The following RAP1A variants were observed in gnomAD, a reference collection of about 807,000 sequenced individuals.
RAP1A encodes RAP1A, member of RAS oncogene family.
A neutral mutation model predicts 26.4 loss-of-function variants in RAP1A; 6 were observed. That is an observed-to-expected ratio of 0.23 (90% confidence interval 0.12 to 0.45). RAP1A has a LOEUF of 0.45. RAP1A is among the 20% of genes least tolerant of loss of function. The pLI, the probability that RAP1A is intolerant of heterozygous loss-of-function variation, is 0.99. For synonymous variants in RAP1A, 73 were observed against 79.4 expected, an observed-to-expected ratio of 0.92 and a Z score of 0.43; for missense variants, 121 against 217.2, an observed-to-expected ratio of 0.56 and a Z score of 2.78.
At chr1:111,653,762 A>T (rs1660357679) in intron 1 of RAP1A, among the ~76,000 whole-genome samples, 2 of 151,460 alleles carry the variant, frequency 1.3e-5, no homozygotes, top group African/African-American at 4.8e-5. Flanking sequence ...ATTTAACCAG[A>T]GATTAAGTAG....
At chr1:111,567,251 C>A (rs556765942) in intron 1 of RAP1A, among the ~76,000 whole-genome samples, 1 of 152,144 alleles carries the variant, frequency 6.6e-6, no homozygotes, top group Non-Finnish European at 1.5e-5. Context: ...GAGAACTCAA[C>A]TCACCTGAGG....
chr1:111,626,915 T>C (rs1350998166), intron 1 of RAP1A, among the ~76,000 whole-genome samples: 1 of 152,028 alleles, frequency 6.6e-6, no homozygotes, highest in Non-Finnish European at 1.5e-5. Context: ...TGGATGACAT[T>C]CTTTACACAA....
intron 1 of RAP1A, among the ~76,000 whole-genome samples, chr1:111,652,024 AGT>A (rs2101137892): frequency 6.6e-6 from 1 of 152,178 alleles, no homozygotes; most frequent in East Asian, 1.9e-4. Context: ...CCCAGGCTAA[AGT>A]GTAGTGGTGC....
chr1:111,578,554 T>A (rs1302107533), intron 1 of RAP1A, among the ~76,000 whole-genome samples: 1 of 152,110 alleles, frequency 6.6e-6, no homozygotes, highest in Non-Finnish European at 1.5e-5. Context: ...ACTCATAATG[T>A]ACTGGAGTGA....
intron 1 of RAP1A, among the ~76,000 whole-genome samples, chr1:111,606,964 C>G (rs1220542366): frequency 1.3e-5 from 2 of 152,016 alleles, no homozygotes; most frequent in African/African-American, 4.8e-5. Context: ...AACAGTGAGG[C>G]CTTACAATGG....
At chr1:111,712,173 A>G (rs1416717184) in intron 7 of RAP1A, among the ~76,000 whole-genome samples, 1 of 152,140 alleles carries the variant, frequency 6.6e-6, no homozygotes, top group Non-Finnish European at 1.5e-5. Context: ...GAGTATAACT[A>G]AGTATAACTG....
chr1:111,688,785 T>C (rs1661573822), intron 1 of RAP1A, among the ~76,000 whole-genome samples: 1 of 151,294 alleles, frequency 6.6e-6, no homozygotes, highest in Non-Finnish European at 1.5e-5. Flanking sequence ...GTTACTTGGA[T>C]GTGTAGATGG....
chr1:111,589,714 T>A (rs1004650713), intron 1 of RAP1A, among the ~76,000 whole-genome samples: 1 of 152,158 alleles, frequency 6.6e-6, no homozygotes, highest in African/African-American at 2.4e-5. Flanking sequence ...TTATTTATTT[T>A]TATTAATTTA....
chr1:111,682,840 G>C (rs931904773), intron 1 of RAP1A, among the ~76,000 whole-genome samples: 1 of 152,116 alleles, frequency 6.6e-6, no homozygotes, highest in Non-Finnish European at 1.5e-5. Context: ...GACATCTACA[G>C]AACCGTCCAC....
At chr1:111,679,984 C>T (rs1183924537) in intron 1 of RAP1A, among the ~76,000 whole-genome samples, 1 of 152,172 alleles carries the variant, frequency 6.6e-6, no homozygotes. Flanking sequence ...TTAAATGTTC[C>T]TGCCTGCCAG....
intron 1 of RAP1A, among the ~76,000 whole-genome samples, chr1:111,592,761 G>C (rs1248263140): frequency 1.3e-5 from 2 of 152,108 alleles, no homozygotes; most frequent in East Asian, 3.8e-4. Flanking sequence ...TCCTAGCTTT[G>C]ACAACAGCAA....
chr1:111,544,843 C>T (rs1386441846), intron 1 of RAP1A, among the ~76,000 whole-genome samples: 4 of 59,884 alleles, frequency 6.7e-5, no homozygotes, highest in Non-Finnish European at 1.3e-4. Flanking sequence ...CAATTTGGTA[C>T]ATACCCAATT....
chr1:111,664,319 A>C (rs1660724173), intron 1 of RAP1A, among the ~76,000 whole-genome samples: 1 of 146,802 alleles, frequency 6.8e-6, no homozygotes, highest in African/African-American at 2.5e-5. Context: ...GGTTGTAGTA[A>C]GCTGAGATTG....
At chr1:111,548,386 T>G (rs1456693527) in intron 1 of RAP1A, among the ~76,000 whole-genome samples, 1 of 152,224 alleles carries the variant, frequency 6.6e-6, no homozygotes, top group Non-Finnish European at 1.5e-5. Context: ...ATCATACTGG[T>G]AAAACTATAT....
chr1:111,678,310 A>G (rs991314020), intron 1 of RAP1A, among the ~76,000 whole-genome samples: 2 of 152,200 alleles, frequency 1.3e-5, no homozygotes, highest in Admixed American at 6.5e-5. Context: ...GTTTTGGTAT[A>G]TAAGTCTTGC....
intron 1 of RAP1A, among the ~76,000 whole-genome samples, chr1:111,660,777 T>G (rs1408568723): frequency 5.3e-5 from 8 of 152,204 alleles, no homozygotes; most frequent in Non-Finnish European, 1.0e-4. Context: ...GCTCTCTATT[T>G]AATATCTTAC....
At position 111,683,789 on chromosome 1, in the gene RAP1A, G is replaced by A. The variant is rs921575217; in HGVS notation, c.-27-7545G>A. 5.9e-5 allele frequency among the ~76,000 whole-genome samples: 9 copies of A among 152,260 alleles called. No homozygotes were observed. The South Asian group carries it at 8.3e-4, about 14-fold the overall frequency. On this transcript the variant is annotated intron_variant, in intron 1 of 7. Transcript: ENST00000369709. ...CTATTCCAAACAACAGAAGAAGAGC[G>A]ACTGCTCCCTAACTCATTTTATGAG...
intron 1 of RAP1A, among the ~76,000 whole-genome samples, chr1:111,654,336 A>C (rs961025326): frequency 6.6e-6 from 1 of 152,176 alleles, no homozygotes; most frequent in Non-Finnish European, 1.5e-5. Context: ...GCCACTTCAC[A>C]CTTTCATGTA....
chr1:111,542,203 C>T, upstream of RAP1A: 1 of 554,282 alleles, frequency 1.8e-6, no homozygotes, highest in Non-Finnish European at 3.5e-6. Context: ...TTTAGACCAG[C>T]TTAATGAAAC....
Sources: allele counts gnomAD v4.1 joint callset (sites outside exome capture counted in the v4.1 genomes callset), GRCh38; gene constraint gnomAD v4.1.1; transcripts MANE v1.5; gene names NCBI Gene and HGNC (gene_info 2026-07-23, HGNC 2026-07-21).